DDX4: variants seen among roughly 807,000 people sequenced by gnomAD.
DDX4 encodes the protein probable ATP-dependent RNA helicase DDX4.
A neutral mutation model predicts 100.0 loss-of-function variants in DDX4; 25 were observed. The observed-to-expected ratio is 0.25, with a 90% CI of 0.18 to 0.35. DDX4 has a LOEUF of 0.35. Among genes scored for constraint, DDX4 ranks in the 10% least tolerant of loss-of-function variants. DDX4 has a pLI of 1.00. For synonymous variants in DDX4, 259 were observed against 275.7 expected, an observed-to-expected ratio of 0.94 and a Z score of 0.60; for missense variants, 635 against 882.4, an observed-to-expected ratio of 0.72 and a Z score of 3.55.
chr5:55,801,069 T>C (rs1014527234), intron 18 of DDX4, among the ~76,000 whole-genome samples: 3 of 152,084 alleles, frequency 2.0e-5, no homozygotes, highest in Non-Finnish European at 4.4e-5. Context: ...TTACAGCTAG[T>C]CAAAAGGAGA....
intron 3 of DDX4, among the ~76,000 whole-genome samples, chr5:55,755,043 T>G (rs1759838060): frequency 6.6e-6 from 1 of 152,138 alleles, no homozygotes; most frequent in Non-Finnish European, 1.5e-5. Flanking sequence ...TGGTGAGAAA[T>G]AGGGATCCAA....
chr5:55,763,899 A>G (rs1740724747), intron 5 of DDX4, 115 bp from the exon 6 acceptor site: 2 of 693,112 alleles, frequency 2.9e-6, no homozygotes, highest in Admixed American at 2.3e-5. Flanking sequence ...TGTGATAGCT[A>G]TGTATACAAT....
chr5:55,797,524 G>T (rs577129454), intron 17 of DDX4, among the ~76,000 whole-genome samples: 1 of 152,322 alleles, frequency 6.6e-6, no homozygotes, highest in South Asian at 2.1e-4. Context: ...TATGATAAGA[G>T]ATCAAGTAAG....
At chr5:55,805,182 A>G (rs900958387) in intron 18 of DDX4, among the ~76,000 whole-genome samples, 5 of 151,918 alleles carry the variant, frequency 3.3e-5, no homozygotes, top group Non-Finnish European at 7.4e-5. Context: ...TTGTATCCTG[A>G]GACTTTGCTG....
intron 18 of DDX4, among the ~76,000 whole-genome samples, chr5:55,802,902 C>A (rs115977125): frequency 6.6e-6 from 1 of 151,978 alleles, no homozygotes; most frequent in African/African-American, 2.4e-5. Context: ...TTAAAAAATA[C>A]TAGGCAAAAA....
intron 18 of DDX4, among the ~76,000 whole-genome samples, chr5:55,812,327 C>A (rs377290616): frequency 6.6e-6 from 1 of 152,030 alleles, no homozygotes; most frequent in Admixed American, 6.6e-5. Context: ...TTTGGGAGGC[C>A]GAGGCGGGCG....
Position 55,815,388 on chromosome 5 carries a change from A to C in DDX4, c.2062A>C (p.Arg688=), listed in dbSNP as rs1187410519. ...TYIPGFSGST[R]GNVFASVDTR... ...CATTCCTGGCTTCAGTGGTAGTACA[A>C]GAGGAAACGTGTTTGCATCAGTTGA... Residue 688 remains arginine, a synonymous_variant, in exon 21 of 22, where the codon AGA becomes CGA. Transcript: ENST00000505374. The C allele has an allele frequency of 6.2e-7, 1 of 1,613,628 alleles. No homozygotes were observed. Among genetic ancestry groups the C allele is most frequent in the Admixed American group, 1.7e-5 (1 of 59,924 alleles).
chr5:55,814,584 C>T (rs139630932), intron 19 of DDX4, among the ~76,000 whole-genome samples: 36 of 152,212 alleles, frequency 2.4e-4, no homozygotes, highest in African/African-American at 7.2e-4. Context: ...TCTGCTTCCC[C>T]GGTTCAAGTG....
At chr5:55,759,568 G>A (rs1190423386) in intron 3 of DDX4, among the ~76,000 whole-genome samples, 1 of 152,146 alleles carries the variant, frequency 6.6e-6, no homozygotes, top group Admixed American at 6.5e-5. Flanking sequence ...AAGAATGTGA[G>A]CTCTTTAATG....
chr5:55,799,292 G>A (rs986321919), intron 18 of DDX4, among the ~76,000 whole-genome samples: 10 of 152,076 alleles, frequency 6.6e-5, no homozygotes, highest in African/African-American at 2.4e-4. Flanking sequence ...GCCTTGAACT[G>A]TTGGCCTCAA....
intron 6 of DDX4, among the ~76,000 whole-genome samples, chr5:55,767,117 A>C (rs1001642147): frequency 2.0e-5 from 3 of 152,212 alleles, no homozygotes; most frequent in African/African-American, 7.2e-5. Flanking sequence ...CATATATTTA[A>C]GAAAGCACAA....
intron 18 of DDX4, among the ~76,000 whole-genome samples, chr5:55,805,260 C>T (rs1743618126): frequency 6.6e-6 from 1 of 152,146 alleles, no homozygotes; most frequent in Non-Finnish European, 1.5e-5. Context: ...ACAGTCATGT[C>T]ATCTGCAAAC....
chr5:55,812,808 G>C (rs1744192081), intron 18 of DDX4, among the ~76,000 whole-genome samples: 1 of 151,486 alleles, frequency 6.6e-6, no homozygotes, highest in Non-Finnish European at 1.5e-5. Flanking sequence ...TTCCTTTTTA[G>C]TACTAAATGC....
chr5:55,791,292 A>C (rs1191311456), intron 16 of DDX4, among the ~76,000 whole-genome samples: 3 of 152,166 alleles, frequency 2.0e-5, no homozygotes, highest in African/African-American at 7.2e-5. Context: ...GCTTTTTAAA[A>C]ACTCTTTAAA....
intron 2 of DDX4, among the ~76,000 whole-genome samples, chr5:55,739,913 A>T (rs908846807): frequency 5.9e-5 from 9 of 151,714 alleles, no homozygotes; most frequent in South Asian, 2.1e-4. Context: ...TTTATTTTTT[A>T]AAATTTTTGT....
intron 18 of DDX4, among the ~76,000 whole-genome samples, chr5:55,807,419 G>A (rs162093): frequency 0.24 from 36,133 of 152,156 alleles, 4,809 homozygotes; most frequent in East Asian, 0.44. Flanking sequence ...TCCTAGCCTT[G>A]ATGGTCTTTA....
intron 17 of DDX4, among the ~76,000 whole-genome samples, chr5:55,796,464 G>A (rs1742943481): frequency 1.3e-5 from 2 of 152,188 alleles, no homozygotes; most frequent in African/African-American, 2.4e-5. Flanking sequence ...TGCTTCTAGT[G>A]TCACTTCTGC....
At chr5:55,766,859 G>C in intron 6 of DDX4, 1 of 1,492,178 alleles carries the variant, frequency 6.7e-7, no homozygotes, top group Non-Finnish European at 8.9e-7. Flanking sequence ...TGGAAAGCCT[G>C]ATGTCATAGT....
chr5:55,782,149 A>G (rs1741952879), intron 10 of DDX4, 168 bp downstream of exon 10: 1 of 690,730 alleles, frequency 1.4e-6, no homozygotes, highest in South Asian at 1.9e-5. Context: ...CCTGTTTTAG[A>G]TAGTTCCTTA....
Sources: allele counts gnomAD v4.1 joint callset (sites outside exome capture counted in the v4.1 genomes callset), GRCh38; gene constraint gnomAD v4.1.1; transcripts MANE v1.5; gene names NCBI Gene and HGNC (gene_info 2026-07-23, HGNC 2026-07-21).